UBXN7: variants seen among roughly 807,000 people sequenced by gnomAD.
UBXN7 encodes UBX domain-containing protein 7.
A neutral mutation model predicts 58.0 loss-of-function variants in UBXN7; 9 were observed. The observed-to-expected ratio is 0.16, with a 90% CI of 0.09 to 0.27. The LOEUF (loss-of-function observed/expected upper bound fraction) is 0.27, where lower values mean the gene tolerates loss of function less well. Among genes scored for constraint, UBXN7 ranks in the 10% least tolerant of loss-of-function variants. UBXN7 has a pLI of 1.00. For missense variants in UBXN7, 328 were observed against 599.6 expected (o/e 0.55, Z 4.73); for synonymous variants, 208 against 205.0 (o/e 1.01, Z -0.12).
At chr3:196,374,339 T>C (rs1255525319) in intron 5 of UBXN7, among the ~76,000 whole-genome samples, 5 of 152,154 alleles carry the variant, frequency 3.3e-5, no homozygotes, top group African/African-American at 9.7e-5. Context: ...GATTTATTCA[T>C]TCAACAAATA....
At chr3:196,366,648 T>C (rs1351039865) in intron 8 of UBXN7, among the ~76,000 whole-genome samples, 1 of 151,964 alleles carries the variant, frequency 6.6e-6, no homozygotes, top group Non-Finnish European at 1.5e-5. Context: ...TCCCAACATT[T>C]TGGGAGGCTG....
intron 1 of UBXN7, among the ~76,000 whole-genome samples, chr3:196,429,415 A>G (rs1437171911): frequency 6.6e-6 from 1 of 152,144 alleles, no homozygotes; most frequent in Non-Finnish European, 1.5e-5. Flanking sequence ...ACTTTTCTAA[A>G]ATCTTTCAAT....
rs556063077 is a variant in UBXN7, at chr3:196,390,731, A to G, written c.468+1082T>C. 8.2e-3 allele frequency among the ~76,000 whole-genome samples: 1,100 copies of G among 134,836 alleles called. 12 individuals carry two copies. Among genetic ancestry groups the G allele is most frequent in the African/African-American group, 0.029 (1,015 of 35,038 alleles). The allele number at this position is 134,836 out of a possible 152,430, so 88.5% of individuals were successfully genotyped here. Reference sequence around the variant, plus strand: ...ACTCCGGCGAGACTCCATCTCAAGGAAAAAAAAAAAAAAAAGACTCAACTG... The same window carrying G: ...ACTCCGGCGAGACTCCATCTCAAGGGAAAAAAAAAAAAAAAGACTCAACTG... On this transcript the variant is annotated intron_variant, in intron 5 of 10. Coordinates refer to ENST00000296328, the MANE Select transcript of UBXN7 (RefSeq NM_015562.2).
At chr3:196,382,911 C>G (rs544250589) in intron 5 of UBXN7, among the ~76,000 whole-genome samples, 1 of 152,028 alleles carries the variant, frequency 6.6e-6, no homozygotes, top group Admixed American at 6.6e-5. Context: ...GTCAGGAGAT[C>G]GAGACCATCC....
chr3:196,385,634 G>A (rs1301634004), intron 5 of UBXN7, among the ~76,000 whole-genome samples: 1 of 152,078 alleles, frequency 6.6e-6, no homozygotes, highest in Admixed American at 6.5e-5. Context: ...TCTGGGAGGT[G>A]AGGAGCCTCT....
chr3:196,369,367 G>T, intron 7 of UBXN7, 54 bp downstream of exon 7: 1 of 1,306,164 alleles, frequency 7.7e-7, no homozygotes, highest in Non-Finnish European at 1.1e-6. Context: ...CAATCATTTA[G>T]GTAACTGAAA....
intron 5 of UBXN7, among the ~76,000 whole-genome samples, chr3:196,380,883 G>A (rs192437617): frequency 5.9e-5 from 9 of 152,350 alleles, no homozygotes; most frequent in African/African-American, 1.7e-4. Context: ...CACTGCCAGC[G>A]CAGCAGTCAG....
At position 196,367,974 on chromosome 3, in the gene UBXN7, T is replaced by G. The variant is rs954700552; in HGVS notation, c.834+54A>C. The G allele has an allele frequency of 6.3e-6, 10 of 1,580,968 alleles. No homozygotes were observed. The African/African-American group carries it at 1.2e-4, about 19-fold the overall frequency. ...TTAACATCGAACATTTTATATAAGATGCTTATGACCAATTACATTTATTTT... is the reference window on the plus strand; with the variant it reads ...TTAACATCGAACATTTTATATAAGAGGCTTATGACCAATTACATTTATTTT... On this transcript the variant is annotated intron_variant, in intron 8 of 10. Transcript: ENST00000296328.
intron 5 of UBXN7, among the ~76,000 whole-genome samples, chr3:196,376,564 A>AG (rs1428400372): frequency 1.2e-4 from 18 of 148,012 alleles, no homozygotes; most frequent in Admixed American, 2.7e-4. Context: ...AAAAAAAAAA[A>AG]AAAAGAAAAG....
chr3:196,391,980 A>G (rs1729596629), intron 4 of UBXN7, 55 bp from the exon 5 acceptor site: 6 of 327,166 alleles, frequency 1.8e-5, no homozygotes, highest in East Asian at 1.9e-4. Context: ...ATCACACTGA[A>G]AAAAAAAAAA....
chr3:196,361,962 C>T (rs1481049754), intron 9 of UBXN7, 39 bp from the exon 10 acceptor site: 1 of 1,461,886 alleles, frequency 6.8e-7, no homozygotes, highest in African/African-American at 1.4e-5. Flanking sequence ...AAACGGGATA[C>T]AGGAGTTTAA....
In UBXN7 at chr3:196,404,563, A is replaced by G. The variant is rs180673763; in HGVS notation, c.222-1544T>C. On this transcript the variant is annotated intron_variant, in intron 2 of 10. Transcript: ENST00000296328. Reference sequence around the variant, plus strand: ...AGGCGTGAGCCACCGCGCCCGGCCAATGGTTTTCATTCAGGTGTTCTGAAC... The same window carrying G: ...AGGCGTGAGCCACCGCGCCCGGCCAGTGGTTTTCATTCAGGTGTTCTGAAC... Among the ~76,000 whole-genome samples the G allele has an allele frequency of 1.9e-3, 284 of 152,172 alleles. 1 individual carries two copies. The highest frequency in any genetic ancestry group is 6.4e-3 in the African/African-American group (266 of 41,544).
chr3:196,432,200 A>C (rs1186945416), intron 1 of UBXN7, 127 bp downstream of exon 1: 2 of 1,340,546 alleles, frequency 1.5e-6, no homozygotes, highest in Non-Finnish European at 2.1e-6. Context: ...CCTCTTCCTC[A>C]GGAGGGAGGA....
chr3:196,385,557 G>A (rs1729353602), intron 5 of UBXN7, among the ~76,000 whole-genome samples: 1 of 151,766 alleles, frequency 6.6e-6, no homozygotes, highest in African/African-American at 2.4e-5. Flanking sequence ...GAGATGTGAA[G>A]AGCGCCTCGG....
chr3:196,396,896 A>G (rs1467819219), intron 3 of UBXN7, among the ~76,000 whole-genome samples: 1 of 152,206 alleles, frequency 6.6e-6, no homozygotes, highest in Non-Finnish European at 1.5e-5. Flanking sequence ...TAGGTTAGTC[A>G]ATATTCCACA....
At chr3:196,430,092 C>A (rs1225480603) in intron 1 of UBXN7, among the ~76,000 whole-genome samples, 1 of 152,066 alleles carries the variant, frequency 6.6e-6, no homozygotes. Context: ...CGGTGGCTCA[C>A]GCCTGTAATC....
rs887253832 is a variant in UBXN7, at chr3:196,350,625, T to A, written c.*6060A>T. On this transcript the variant is annotated 3_prime_UTR_variant, in exon 11 of 11. Transcript: ENST00000296328. ...TTCACAGGACAACTAGCAAGGCCATTATAATCTCTATTTTTAAAAAGACAT... is the reference window on the plus strand; with the variant it reads ...TTCACAGGACAACTAGCAAGGCCATAATAATCTCTATTTTTAAAAAGACAT... 1.6e-5 allele frequency: 1 copy of A among 63,520 alleles called. No individual in the cohort carries two copies. The highest frequency in any genetic ancestry group is 3.5e-5 in the Non-Finnish European group (1 of 28,676). The allele number at this position is 63,520 out of a possible 1,614,324, so 3.9% of individuals were successfully genotyped here.
intron 1 of UBXN7, among the ~76,000 whole-genome samples, chr3:196,410,085 G>A (rs1043906342): frequency 3.8e-4 from 58 of 151,814 alleles, no homozygotes; most frequent in African/African-American, 1.3e-3. Context: ...GATTACAGGC[G>A]CCTGCCACCA....
chr3:196,398,490 T>C (rs1254821399), intron 3 of UBXN7, among the ~76,000 whole-genome samples: 1 of 152,186 alleles, frequency 6.6e-6, no homozygotes. Flanking sequence ...ATATTAATGG[T>C]TTCATTACAC....
Sources: allele counts gnomAD v4.1 joint callset (sites outside exome capture counted in the v4.1 genomes callset), GRCh38; gene constraint gnomAD v4.1.1; transcripts MANE v1.5; gene names NCBI Gene and HGNC (gene_info 2026-07-23, HGNC 2026-07-21).